Variants in ATP10B observed in about 807,000 individuals in gnomAD.
ATP10B encodes the protein ATPase phospholipid transporting 10B (putative).
A neutral mutation model predicts 141.2 loss-of-function variants in ATP10B; 122 were observed. That is an observed-to-expected ratio of 0.86 (90% CI 0.75 to 1.00). The LOEUF is 1.00. Ranked by LOEUF, ATP10B falls within the 50% of genes least tolerant of loss-of-function variation. The probability of loss-of-function intolerance (pLI) is 0.00; values close to 1 mark genes in which losing one functional copy is unlikely to be tolerated. For synonymous variants in ATP10B, 685 were observed against 692.0 expected (o/e 0.99, Z 0.16); for missense variants, 1,876 against 1,825.3 (o/e 1.03, Z -0.51).
At chr5:160,595,634 G>T (rs1256694541) in intron 22 of ATP10B, among the ~76,000 whole-genome samples, 1 of 151,920 alleles carries the variant, frequency 6.6e-6, no homozygotes, top group African/African-American at 2.4e-5. Flanking sequence ...ACAAAATTGA[G>T]AGACTGCTAG....
chr5:160,819,019 C>T (rs1352748182), intron 1 of ATP10B, among the ~76,000 whole-genome samples: 1 of 151,902 alleles, frequency 6.6e-6, no homozygotes, highest in Non-Finnish European at 1.5e-5. Context: ...GGAGTGGGGA[C>T]GGATAGCATT....
In ATP10B at chr5:160,836,047, A is replaced by C. The variant is rs188819788; in HGVS notation, c.-576+15894T>G. ...TCACTCACAGGTGGAAGCTAAATAA[A>C]GTGTTCGCATGGACATAGAGTGGGG... On this transcript the variant is annotated intron_variant, in intron 1 of 25. Transcript: ENST00000327245. Among the ~76,000 whole-genome samples the C allele has an allele frequency of 6.7e-4, 102 of 152,232 alleles. 1 individual carries two copies. Among genetic ancestry groups the C allele is most frequent in the Non-Finnish European group, 1.3e-3 (88 of 68,006 alleles).
At chr5:160,666,589 C>A (rs1027228961) in intron 7 of ATP10B, among the ~76,000 whole-genome samples, 6 of 152,156 alleles carry the variant, frequency 3.9e-5, no homozygotes, top group Admixed American at 2.0e-4. Context: ...TATTACTTGG[C>A]CTTGCAACAT....
chr5:160,698,846 G>C (rs1764521221), intron 3 of ATP10B, among the ~76,000 whole-genome samples: 1 of 152,220 alleles, frequency 6.6e-6, no homozygotes, highest in Non-Finnish European at 1.5e-5. Flanking sequence ...TAGCCAATTA[G>C]TGAATTAGAG....
chr5:160,604,882 G>A (rs1224904813), intron 19 of ATP10B, among the ~76,000 whole-genome samples: 1 of 152,204 alleles, frequency 6.6e-6, no homozygotes, highest in Non-Finnish European at 1.5e-5. Context: ...AGTAGCCACA[G>A]ATAGCTCTAT....
the ATP10B span, among the ~76,000 whole-genome samples, chr5:160,896,239 CAAA>C: frequency 0.11 from 15,780 of 146,858 alleles, 892 homozygotes; most frequent in Non-Finnish European, 0.12. Flanking sequence ...AAAAACCCTT[CAAA>C]AAAAAAAAAA....
chr5:160,886,998 GCT>G, the ATP10B span, among the ~76,000 whole-genome samples: 2 of 152,174 alleles, frequency 1.3e-5, no homozygotes, highest in South Asian at 4.1e-4. Context: ...ATGAGAGAAG[GCT>G]CTGTTTCACA....
At chr5:160,778,588 C>T (rs1407474923) in intron 2 of ATP10B, among the ~76,000 whole-genome samples, 5 of 152,254 alleles carry the variant, frequency 3.3e-5, no homozygotes, top group South Asian at 4.1e-4. Flanking sequence ...ATGTCACATC[C>T]AGAGAGCATC....
At chr5:160,595,321 T>C (rs879800413) in intron 22 of ATP10B, among the ~76,000 whole-genome samples, 1,824 of 151,606 alleles carry the variant, frequency 0.012, 28 homozygotes, top group African/African-American at 0.042. Context: ...AAGGCAGAAA[T>C]AAAGATGTTC....
the ATP10B span, among the ~76,000 whole-genome samples, chr5:160,908,368 A>C: frequency 6.6e-6 from 1 of 151,722 alleles, no homozygotes; most frequent in African/African-American, 2.4e-5. Context: ...TATTAGAAAA[A>C]CCTCCTCTGC....
At chr5:160,581,540 G>C (rs914412570) in intron 24 of ATP10B, among the ~76,000 whole-genome samples, 21 of 152,066 alleles carry the variant, frequency 1.4e-4, no homozygotes, top group Non-Finnish European at 2.9e-4. Context: ...CCATTCTTTT[G>C]TATTTGCTGA....
intron 1 of ATP10B, among the ~76,000 whole-genome samples, chr5:160,802,223 C>T (rs1430783377): frequency 6.6e-6 from 1 of 152,172 alleles, no homozygotes. Flanking sequence ...AGATGACCAC[C>T]TCATGACTGC....
chr5:160,692,401 G>A (rs1159885315), intron 3 of ATP10B, among the ~76,000 whole-genome samples: 2 of 152,010 alleles, frequency 1.3e-5, no homozygotes, highest in Non-Finnish European at 2.9e-5. Context: ...GTCCTCACAG[G>A]GCTAACAAGA....
chr5:160,869,784 T>G, the ATP10B span, among the ~76,000 whole-genome samples: 1 of 152,108 alleles, frequency 6.6e-6, no homozygotes, highest in South Asian at 2.1e-4. Context: ...TGAACTGTAA[T>G]GAACAAACTG....
At chr5:160,644,369 G>C (rs1561688843) in intron 8 of ATP10B, 125 bp from the exon 9 acceptor site, 4 of 693,158 alleles carry the variant, frequency 5.8e-6, no homozygotes, top group Non-Finnish European at 7.8e-6. Context: ...TTTCAGAAGA[G>C]TGATGGTAGC....
intron 1 of ATP10B, among the ~76,000 whole-genome samples, chr5:160,823,046 G>T (rs1271782418): frequency 8.3e-6 from 1 of 119,974 alleles, no homozygotes; most frequent in Non-Finnish European, 1.8e-5. Flanking sequence ...AAAATAAAGA[G>T]TGTAATTGGA....
chr5:160,904,394 T>C, the ATP10B span, among the ~76,000 whole-genome samples: 2 of 152,190 alleles, frequency 1.3e-5, no homozygotes, highest in Non-Finnish European at 2.9e-5. Flanking sequence ...GTCTTGACAA[T>C]CTGCACATGG....
At chr5:160,889,778 C>T in the ATP10B span, among the ~76,000 whole-genome samples, 2 of 152,168 alleles carry the variant, frequency 1.3e-5, no homozygotes, top group Non-Finnish European at 2.9e-5. Flanking sequence ...CTGAATAGGC[C>T]TGCAGGGATC....
intron 2 of ATP10B, among the ~76,000 whole-genome samples, chr5:160,782,906 G>A (rs1328331976): frequency 6.6e-6 from 1 of 151,948 alleles, no homozygotes; most frequent in East Asian, 1.9e-4. Context: ...ATTCATATGT[G>A]TTATGTGTTT....
Sources: gnomAD v4.1 joint callset for allele counts (sites outside exome capture counted in the v4.1 genomes callset) on GRCh38, gnomAD v4.1.1 for gene constraint, MANE v1.5 for transcripts, NCBI Gene and HGNC (gene_info 2026-07-23, HGNC 2026-07-21) for gene names.